ACOX2: variants seen among roughly 807,000 people sequenced by gnomAD.
The protein encoded by ACOX2 is acyl-CoA oxidase 2, also known as peroxisomal acyl-coenzyme A oxidase 2.
A neutral mutation model predicts 77.5 loss-of-function variants in ACOX2; 59 were observed. The ratio of observed to expected loss-of-function variants is 0.76; its 90% CI spans 0.62 to 0.95. The LOEUF (loss-of-function observed/expected upper bound fraction) is 0.95. Among genes scored for constraint, ACOX2 ranks in the 40% least tolerant of loss-of-function variants. The pLI is 0.00. For synonymous variants in ACOX2, 317 were observed against 340.1 expected, an observed-to-expected ratio of 0.93 and a Z score of 0.75; for missense variants, 837 against 880.4, an observed-to-expected ratio of 0.95 and a Z score of 0.62.
chr3:58,532,228 G>A (rs1327007617), intron 5 of ACOX2, among the ~76,000 whole-genome samples: 1 of 152,100 alleles, frequency 6.6e-6, no homozygotes, highest in East Asian at 1.9e-4. Context: ...TCATTGGCCT[G>A]GAGGGGCAGA....
rs1049365838 is a variant in ACOX2 at position 58,505,375 on chromosome 3, A to C, written c.1984-89T>G. On this transcript the variant is annotated intron_variant, in intron 14 of 14. Coordinates refer to ENST00000302819, the MANE Select transcript of ACOX2 (RefSeq NM_003500.4). This position sits in a 1 kb window ranked among gnomAD's most constrained non-coding sequence, Gnocchi z 4.4. ...TTTCAAATTAAGTCTCTAGCTTCAA[A>C]AAGTAACATTACGTAAGATTCTTAA... 1 of 1,043,620 alleles carries C rather than the reference A, an allele frequency of 9.6e-7. No homozygotes were observed. Among genetic ancestry groups the C allele is most frequent in the Non-Finnish European group, 1.4e-6 (1 of 716,902 alleles). The allele number at this position is 1,043,620 out of a possible 1,614,324, so 64.6% of individuals were successfully genotyped here.
Position 58,508,981 on chromosome 3 carries a change from T to A in ACOX2, c.1895A>T (p.Gln632Leu), listed in dbSNP as rs542643101. ...LLTDAFDFTD[Q>L]CLNSALGCYD... ...ACAGCCAAGTGCTGAATTTAAACACTGATCGGTGAAGTCAAAAGCATCAGT... is the reference window on the plus strand; with the variant it reads ...ACAGCCAAGTGCTGAATTTAAACACAGATCGGTGAAGTCAAAAGCATCAGT... The change falls in exon 14 of 15, where the codon CAG becomes CTG. Residue 632 changes from glutamine to leucine, a missense_variant. Gln to Leu is a moderately radical substitution (Grantham distance 113). Transcript: ENST00000302819. 6.2e-7 allele frequency: 1 copy of A among 1,614,212 alleles called. No individual in the cohort carries two copies. The highest frequency in any genetic ancestry group is 1.1e-5 in the South Asian group (1 of 91,090).
At position 58,535,128 on chromosome 3, in the gene ACOX2, GACTATGGAGAGAC is replaced by G; in HGVS notation, c.-35_-23del. Reference sequence around the variant, plus strand: ...CCATCCTATCCTGGATCTGTCTGGTGACTATGGAGAGACACTTCCAACCCGGCTGCTCCGAGGG... The same window carrying G: ...CCATCCTATCCTGGATCTGTCTGGTGACTTCCAACCCGGCTGCTCCGAGGG... On this transcript the variant is annotated 5_prime_UTR_variant, in exon 2 of 15. An upstream open reading frame in the 5' UTR loses its in-frame stop. Coordinates refer to ENST00000302819, the MANE Select transcript of ACOX2 (RefSeq NM_003500.4). This position sits in a 1 kb window ranked among gnomAD's most constrained non-coding sequence, Gnocchi z 4.8. 1 of 1,614,148 alleles carries G rather than the reference GACTATGGAGAGAC, an allele frequency of 6.2e-7. No individual in the cohort carries two copies. Among genetic ancestry groups the G allele is most frequent in the Non-Finnish European group, 8.5e-7 (1 of 1,180,016 alleles).
In ACOX2 at chr3:58,535,348, G is replaced by T; in HGVS notation, c.-91-151C>A. On this transcript the variant is annotated intron_variant, in intron 1 of 14. Coordinates refer to ENST00000302819, the MANE Select transcript of ACOX2 (RefSeq NM_003500.4). This position sits in a 1 kb window ranked among gnomAD's most constrained non-coding sequence, Gnocchi z 4.8. Reference sequence around the variant, plus strand: ...CAGGCACTGTGTGCATGGTAGGCATGGTATGCAGCCATTGCTTGGTACATG... The same window carrying T: ...CAGGCACTGTGTGCATGGTAGGCATTGTATGCAGCCATTGCTTGGTACATG... The T allele has an allele frequency of 1.8e-6, 1 of 562,550 alleles. No individual in the cohort carries two copies. The highest frequency in any genetic ancestry group is 3.2e-6 in the Non-Finnish European group (1 of 314,552). The allele number at this position is 562,550 out of a possible 1,614,324, so 34.8% of individuals were successfully genotyped here. A position where few individuals can be genotyped will look rare whatever the true frequency, so the allele number is the denominator to read the frequency against.
rs1225021427 is a variant in ACOX2, at chr3:58,528,940, C to T, written c.1009G>A (p.Val337Ile). 1 of 1,611,058 alleles carries T rather than the reference C, an allele frequency of 6.2e-7. No homozygotes were observed. Among genetic ancestry groups the T allele is most frequent in the African/African-American group, 1.3e-5 (1 of 74,844 alleles). Residue 337 changes from valine to isoleucine, a missense_variant, in exon 9 of 15, where the codon GTC becomes ATC. By Grantham distance (29) the Val-to-Ile change is conservative. Coordinates refer to ENST00000302819, the MANE Select transcript of ACOX2 (RefSeq NM_003500.4). The surrounding 1 kb of genome is among the most constrained non-coding windows in gnomAD (Gnocchi z 5.6). ...RLRPSDPEAK[V>I]LDYQTQQQKL... ...TGCTGTTGTGTCTGGTAGTCCAGGA[C>T]CTTTGCCTCTGGGTCACTGAAGGGA...
intron 13 of ACOX2, among the ~76,000 whole-genome samples, chr3:58,513,767 A>ATCAGACAC (rs1222894083): frequency 6.6e-6 from 1 of 152,042 alleles, no homozygotes; most frequent in African/African-American, 2.4e-5. Context: ...TGAGTGTCTG[A>ATCAGACAC]TCATAGCTAA....
At position 58,505,877 on chromosome 3, in the gene ACOX2, G is replaced by A. The variant is rs995367575; in HGVS notation, c.1984-591C>T. Among the ~76,000 whole-genome samples the A allele has an allele frequency of 1.3e-5, 2 of 151,938 alleles. No individual in the cohort carries two copies. Among genetic ancestry groups the A allele is most frequent in the East Asian group, 1.9e-4 (1 of 5,184 alleles). On this transcript the variant is annotated intron_variant, in intron 14 of 14. Coordinates refer to ENST00000302819, the MANE Select transcript of ACOX2 (RefSeq NM_003500.4). The surrounding 1 kb of genome is among the most constrained non-coding windows in gnomAD (Gnocchi z 4.4). ...GCGATTTTGGCTCACTGCAACTTCC[G>A]CCTCCTGGGTTCAAGCGATTCTTGT...
At chr3:58,509,142 CAATT>C in intron 13 of ACOX2, 117 bp from the exon 14 acceptor site, 1 of 1,232,702 alleles carries the variant, frequency 8.1e-7, no homozygotes, top group Non-Finnish European at 1.1e-6. Flanking sequence ...GCTTTTCAAA[CAATT>C]CAGCATTTTT....
intron 13 of ACOX2, chr3:58,511,622 C>G (rs1260671612): frequency 6.5e-6 from 1 of 153,276 alleles, no homozygotes; most frequent in African/African-American, 2.4e-5. Flanking sequence ...AGACCTTGCT[C>G]TTAAACACAA....
At position 58,533,423 on chromosome 3, in the gene ACOX2, A is replaced by AG. The variant is rs772138393; in HGVS notation, c.583+21dup. ...TCTTCTACTTGGGGAGAGTTAAGGA[A>AG]GGGGGGTGGATGTATACTCACAGTC... On this transcript the variant is annotated intron_variant, in intron 5 of 14. Coordinates refer to ENST00000302819, the MANE Select transcript of ACOX2 (RefSeq NM_003500.4). This position sits in a 1 kb window ranked among gnomAD's most constrained non-coding sequence, Gnocchi z 5.6. 26 of 1,601,808 alleles carry AG rather than the reference A, an allele frequency of 1.6e-5. No homozygotes were observed. The highest frequency in any genetic ancestry group is 2.1e-5 in the Non-Finnish European group (24 of 1,169,444).
In ACOX2 at chr3:58,505,800, G is replaced by GTT. The variant is rs56029760; in HGVS notation, c.1984-516_1984-515dup. ...CTCCTCGAACACTGGGCTTTTGACT[G>GTT]TTTTTTTTTGGAGACAGTATTGCTC... On this transcript the variant is annotated intron_variant, in intron 14 of 14. Transcript: ENST00000302819. This position sits in a 1 kb window ranked among gnomAD's most constrained non-coding sequence, Gnocchi z 4.4. 7.3e-5 allele frequency among the ~76,000 whole-genome samples: 11 copies of GTT among 150,462 alleles called. No homozygotes were observed. Among genetic ancestry groups the GTT allele is most frequent in the Admixed American group, 4.0e-4 (6 of 15,124 alleles).
At position 58,533,395 on chromosome 3, in the gene ACOX2, C is replaced by A; in HGVS notation, c.583+50G>T. On this transcript the variant is annotated intron_variant, in intron 5 of 14. Transcript: ENST00000302819. This position sits in a 1 kb window ranked among gnomAD's most constrained non-coding sequence, Gnocchi z 5.6. ...AAGCCAGTGCTACTCTGCCCTCCAA[C>A]ATTCTTCTACTTGGGGAGAGTTAAG... 1 of 1,536,388 alleles carries A rather than the reference C, an allele frequency of 6.5e-7. No individual in the cohort carries two copies. Among genetic ancestry groups the A allele is most frequent in the African/African-American group, 1.4e-5 (1 of 73,396 alleles).
chr3:58,510,082 T>C (rs1485386251), intron 13 of ACOX2, among the ~76,000 whole-genome samples: 1 of 152,200 alleles, frequency 6.6e-6, no homozygotes, highest in Non-Finnish European at 1.5e-5. Context: ...CTTGTTCCCA[T>C]TCTTCTTCCT....
chr3:58,536,323 T>C (rs1017662504), intron 1 of ACOX2, among the ~76,000 whole-genome samples: 1 of 152,206 alleles, frequency 6.6e-6, no homozygotes. Flanking sequence ...AGGTATGTTG[T>C]AAATCTCTCC....
intron 14 of ACOX2, among the ~76,000 whole-genome samples, chr3:58,507,375 C>G (rs1299550697): frequency 6.6e-6 from 1 of 152,194 alleles, no homozygotes; most frequent in Non-Finnish European, 1.5e-5. Context: ...CCCTCTGGGT[C>G]AGTCATTCCT....
intron 12 of ACOX2, 104 bp from the exon 13 acceptor site, chr3:58,517,527 G>A: frequency 9.1e-7 from 1 of 1,104,242 alleles, no homozygotes; most frequent in Non-Finnish European, 1.3e-6. Context: ...GGCATGATGT[G>A]CTTCCCAGCA....
In ACOX2 at chr3:58,533,904, A is replaced by G; in HGVS notation, c.475+90T>C. 1 of 1,496,298 alleles carries G rather than the reference A, an allele frequency of 6.7e-7. No homozygotes were observed. The highest frequency in any genetic ancestry group is 9.2e-7 in the Non-Finnish European group (1 of 1,091,686). 92.7% of individuals were successfully genotyped at this position (1,496,298 alleles called of 1,614,324 possible). ...TTATTAAACATATGTCCCTCGGAGCATATGAACCTATGACTACCTAGATGT... is the reference window on the plus strand; with the variant it reads ...TTATTAAACATATGTCCCTCGGAGCGTATGAACCTATGACTACCTAGATGT... On this transcript the variant is annotated intron_variant, in intron 4 of 14. Coordinates refer to ENST00000302819, the MANE Select transcript of ACOX2 (RefSeq NM_003500.4). This position sits in a 1 kb window ranked among gnomAD's most constrained non-coding sequence, Gnocchi z 5.6.
intron 12 of ACOX2, among the ~76,000 whole-genome samples, chr3:58,520,439 C>T (rs188080685): frequency 1.7e-4 from 26 of 152,370 alleles, no homozygotes; most frequent in African/African-American, 5.3e-4. Context: ...TATAGGACCA[C>T]GGCCTGACAG....
rs1171311157 is a variant in ACOX2 at position 58,531,428 on chromosome 3, A to T, written c.704-62T>A. ...AGAGAGTGCTTGCTATGTGGCAGGT[A>T]TCATACACACATTCCAGGTCACAGC... is the stretch of plus-strand genomic sequence containing the variant. On this transcript the variant is annotated intron_variant, in intron 6 of 14. Coordinates refer to ENST00000302819, the MANE Select transcript of ACOX2 (RefSeq NM_003500.4). This position sits in a 1 kb window ranked among gnomAD's most constrained non-coding sequence, Gnocchi z 5.8. 1 of 1,459,776 alleles carries T rather than the reference A, an allele frequency of 6.9e-7. No individual in the cohort carries two copies. Among genetic ancestry groups the T allele is most frequent in the Admixed American group, 1.7e-5 (1 of 57,776 alleles). 90.4% of individuals were successfully genotyped at this position (1,459,776 alleles called of 1,614,324 possible).
Sources: allele counts gnomAD v4.1 joint callset (sites outside exome capture counted in the v4.1 genomes callset), GRCh38; gene constraint gnomAD v4.1.1; non-coding constraint Gnocchi (gnomAD v3.1); transcripts MANE v1.5; gene names NCBI Gene and HGNC (gene_info 2026-07-23, HGNC 2026-07-21).